Variants in GTF2F2 observed in about 807,000 individuals in gnomAD.
The protein encoded by GTF2F2 is ATP-dependent helicase GTF2F2.
In GTF2F2, 23 loss-of-function variants were observed where a neutral mutation model predicts 42.2. The observed-to-expected ratio is 0.55, with a 90% CI of 0.39 to 0.77. The LOEUF (loss-of-function observed/expected upper bound fraction) is 0.77, where lower values mean the gene tolerates loss of function less well. Among genes scored for constraint, GTF2F2 ranks in the 30% least tolerant of loss-of-function variants. GTF2F2 has a pLI of 0.00. For missense variants in GTF2F2, 261 were observed against 287.2 expected, an observed-to-expected ratio of 0.91 and a Z score of 0.66; for synonymous variants, 105 against 100.8, an observed-to-expected ratio of 1.04 and a Z score of -0.25.
intron 4 of GTF2F2, among the ~76,000 whole-genome samples, chr13:45,195,395 G>C (rs1872840153): frequency 6.6e-6 from 1 of 152,084 alleles, no homozygotes; most frequent in African/African-American, 2.4e-5. Flanking sequence ...CTTCTGTGCT[G>C]AACAAAGACT....
At chr13:45,212,752 T>G (rs1873741949) in intron 5 of GTF2F2, among the ~76,000 whole-genome samples, 1 of 151,856 alleles carries the variant, frequency 6.6e-6, no homozygotes, top group Non-Finnish European at 1.5e-5. Context: ...TTTCTTTTTT[T>G]TGTTGTTGAG....
intron 4 of GTF2F2, among the ~76,000 whole-genome samples, chr13:45,157,550 G>A (rs1416352105): frequency 1.4e-5 from 2 of 146,098 alleles, no homozygotes; most frequent in East Asian, 3.9e-4. Context: ...GGATTAGAGT[G>A]GTAGCAGTGA....
At chr13:45,169,014 C>T (rs1871461485) in intron 4 of GTF2F2, among the ~76,000 whole-genome samples, 1 of 150,542 alleles carries the variant, frequency 6.6e-6, no homozygotes, top group Admixed American at 6.7e-5. Flanking sequence ...TCCTTCCCTC[C>T]TTCCTTGGTT....
intron 6 of GTF2F2, among the ~76,000 whole-genome samples, chr13:45,262,010 G>A (rs1593524247): frequency 6.6e-6 from 1 of 152,054 alleles, no homozygotes; most frequent in Non-Finnish European, 1.5e-5. Flanking sequence ...CACATACACT[G>A]GAACTACTTA....
intron 4 of GTF2F2, among the ~76,000 whole-genome samples, chr13:45,167,394 C>CTTTTT (rs1401944955): frequency 1.0e-4 from 11 of 108,806 alleles, no homozygotes; most frequent in African/African-American, 3.4e-4. Flanking sequence ...TTTCACCCAG[C>CTTTTT]TATTTTTTTT....
At chr13:45,131,356 A>G (rs577016727) in intron 1 of GTF2F2, among the ~76,000 whole-genome samples, 13 of 152,306 alleles carry the variant, frequency 8.5e-5, no homozygotes, top group African/African-American at 3.1e-4. Context: ...AAATCGAGAG[A>G]GTGTGATTAC....
intron 4 of GTF2F2, among the ~76,000 whole-genome samples, chr13:45,173,607 T>A (rs898739763): frequency 6.9e-6 from 1 of 145,838 alleles, no homozygotes; most frequent in African/African-American, 2.6e-5. Flanking sequence ...TTTTATAACT[T>A]TGTCATTTTT....
intron 5 of GTF2F2, among the ~76,000 whole-genome samples, chr13:45,211,272 C>G (rs1420117002): frequency 1.3e-5 from 2 of 151,598 alleles, no homozygotes; most frequent in East Asian, 3.9e-4. Flanking sequence ...AAGAACGGTA[C>G]CAAGGTATAA....
chr13:45,243,159 T>C (rs1875405285), intron 5 of GTF2F2, among the ~76,000 whole-genome samples: 1 of 152,156 alleles, frequency 6.6e-6, no homozygotes, highest in African/African-American at 2.4e-5. Context: ...TCAAGTCCCT[T>C]ATATAAAATG....
chr13:45,281,889 A>G (rs1163549701), intron 7 of GTF2F2, among the ~76,000 whole-genome samples: 1 of 152,248 alleles, frequency 6.6e-6, no homozygotes, highest in Non-Finnish European at 1.5e-5. Flanking sequence ...CAACAACAAC[A>G]AAAGAGTCGC....
At chr13:45,209,198 G>A (rs1008702731) in intron 5 of GTF2F2, among the ~76,000 whole-genome samples, 4 of 152,186 alleles carry the variant, frequency 2.6e-5, no homozygotes, top group African/African-American at 9.7e-5. Context: ...AGGACATTTG[G>A]TGGTCTCATA....
intron 4 of GTF2F2, among the ~76,000 whole-genome samples, chr13:45,179,186 A>C (rs1490655867): frequency 9.9e-5 from 15 of 152,146 alleles, no homozygotes; most frequent in Admixed American, 9.8e-4. Context: ...AATAGACCCC[A>C]CCTCTTGATG....
chr13:45,260,323 G>A (rs1410537895), intron 6 of GTF2F2, among the ~76,000 whole-genome samples: 1 of 152,166 alleles, frequency 6.6e-6, no homozygotes, highest in African/African-American at 2.4e-5. Context: ...ATAATACATA[G>A]TATAAGTATA....
chr13:45,210,514 A>G (rs1182340606), intron 5 of GTF2F2, among the ~76,000 whole-genome samples: 2 of 152,070 alleles, frequency 1.3e-5, no homozygotes, highest in Non-Finnish European at 2.9e-5. Flanking sequence ...GTCACCTCCT[A>G]CTAAACTATG....
intron 5 of GTF2F2, among the ~76,000 whole-genome samples, chr13:45,222,050 C>T (rs1874142791): frequency 1.3e-5 from 2 of 152,082 alleles, no homozygotes; most frequent in East Asian, 1.9e-4. Context: ...TCCCCACCGC[C>T]GCCACTACCA....
At chr13:45,276,419 CCTTCTGAGGAA>C (rs963844981) in intron 7 of GTF2F2, among the ~76,000 whole-genome samples, 1 of 150,604 alleles carries the variant, frequency 6.6e-6, no homozygotes, top group Non-Finnish European at 1.5e-5. Context: ...CTTTGTTTAG[CCTTCTGAGGAA>C]CTGCTAGACT....
intron 6 of GTF2F2, among the ~76,000 whole-genome samples, chr13:45,256,258 G>A (rs1054415603): frequency 6.6e-6 from 1 of 151,920 alleles, no homozygotes; most frequent in African/African-American, 2.4e-5. Context: ...AGAAAGCCAG[G>A]GAAGAAAGCC....
intron 2 of GTF2F2, among the ~76,000 whole-genome samples, chr13:45,147,723 C>G (rs557290800): frequency 6.6e-6 from 1 of 152,288 alleles, no homozygotes; most frequent in African/African-American, 2.4e-5. Flanking sequence ...ATCTGGAATC[C>G]TTAGTCTGTC....
intron 5 of GTF2F2, among the ~76,000 whole-genome samples, chr13:45,212,463 C>CTTTTGT (rs376424917): frequency 1.5e-4 from 4 of 27,486 alleles, no homozygotes; most frequent in Non-Finnish European, 2.3e-4. Context: ...TTCTTTCTTT[C>CTTTTGT]TTTCTTTCTT....
Sources: gnomAD v4.1 joint callset for allele counts (sites outside exome capture counted in the v4.1 genomes callset) on GRCh38, gnomAD v4.1.1 for gene constraint, MANE v1.5 for transcripts, NCBI Gene and HGNC (gene_info 2026-07-23, HGNC 2026-07-21) for gene names.